MATN2: variants seen among roughly 807,000 people sequenced by gnomAD.
MATN2 encodes matrilin-2.
Under a neutral mutation model 103.2 loss-of-function variants are expected in MATN2, and 69 were observed. That is an observed-to-expected ratio of 0.67 (90% CI 0.55 to 0.82). The LOEUF (loss-of-function observed/expected upper bound fraction) is 0.82, where lower values mean the gene tolerates loss of function less well. MATN2 is among the 40% of genes least tolerant of loss of function. MATN2 has a pLI of 0.00. For missense variants in MATN2, 1,023 were observed against 1,211.5 expected (o/e 0.84, Z 2.31); for synonymous variants, 429 against 450.2 (o/e 0.95, Z 0.60).
At chr8:98,025,474 C>G (rs1813757429) in intron 13 of MATN2, 2 of 224,852 alleles carry the variant, frequency 8.9e-6, no homozygotes, top group African/African-American at 2.4e-5. Flanking sequence ...TCTGGCCCAG[C>G]ACGGTGGCTC....
intron 1 of MATN2, among the ~76,000 whole-genome samples, chr8:97,882,604 T>C (rs929711232): frequency 3.3e-5 from 5 of 152,138 alleles, no homozygotes; most frequent in African/African-American, 1.2e-4. Context: ...GATTTCGCCA[T>C]GTTGCCCAGG....
Position 97,903,572 on chromosome 8 carries a change from T to C in MATN2, c.142+15330T>C, listed in dbSNP as rs138805600. ...GCCTAGGTGAGTGTGGGAAGGACTC[T>C]GCCTCTCCTGGTCTTTGCCCTGTAG... is the stretch of plus-strand genomic sequence containing the variant. On this transcript the variant is annotated intron_variant, in intron 2 of 18. Coordinates refer to ENST00000254898, the MANE Select transcript of MATN2 (RefSeq NM_002380.5). Among the ~76,000 whole-genome samples the C allele has an allele frequency of 3.1e-4, 47 of 152,358 alleles. No homozygotes were observed. In the East Asian group the frequency reaches 6.7e-3, roughly 22 times the overall value.
At chr8:98,032,129 TA>T in intron 15 of MATN2, 116 bp from the exon 16 acceptor site, 1 of 760,670 alleles carries the variant, frequency 1.3e-6, no homozygotes, top group Non-Finnish European at 2.1e-6. Flanking sequence ...CAAACAAAAC[TA>T]AAAAACCTTA....
intron 5 of MATN2, among the ~76,000 whole-genome samples, chr8:97,965,932 C>T (rs1272139092): frequency 2.0e-5 from 3 of 152,044 alleles, no homozygotes; most frequent in South Asian, 2.1e-4. Context: ...TGCAGTGAGC[C>T]GAGATCGCAC....
intron 1 of MATN2, among the ~76,000 whole-genome samples, chr8:97,871,004 T>C (rs894611325): frequency 1.3e-5 from 2 of 152,198 alleles, no homozygotes; most frequent in African/African-American, 4.8e-5. Flanking sequence ...AAATCGGGGC[T>C]CTGGGGTTTC....
chr8:97,942,820 A>G (rs1050643483), intron 4 of MATN2, among the ~76,000 whole-genome samples: 7 of 152,220 alleles, frequency 4.6e-5, no homozygotes, highest in Non-Finnish European at 1.0e-4. Flanking sequence ...TGTCACATTT[A>G]TAGAGGCCAA....
Position 98,036,660 on chromosome 8 carries a change from A to T in MATN2, c.*948A>T, listed in dbSNP as rs1223217324. The T allele has an allele frequency of 2.0e-5, 3 of 152,244 alleles. No homozygotes were observed. Among genetic ancestry groups the T allele is most frequent in the Non-Finnish European group, 4.4e-5 (3 of 68,038 alleles). The allele number at this position is 152,244 out of a possible 1,614,324, so 9.4% of individuals were successfully genotyped here. ...CTCTGGTGTAATCCATACCACAGAA[A>T]TACAACACCGCATGTACAGGAATGT... On this transcript the variant is annotated 3_prime_UTR_variant, in exon 19 of 19. Transcript: ENST00000254898.
intron 12 of MATN2, among the ~76,000 whole-genome samples, chr8:98,019,675 G>A (rs971331751): frequency 3.9e-5 from 6 of 152,206 alleles, no homozygotes; most frequent in African/African-American, 1.2e-4. Context: ...CATTAGGAGA[G>A]TACAGAGCAG....
chr8:98,016,793 G>A (rs1813378605), intron 11 of MATN2, 131 bp downstream of exon 11: 2 of 1,024,596 alleles, frequency 2.0e-6, no homozygotes, highest in African/African-American at 1.6e-5. Flanking sequence ...TAGTGTCCTG[G>A]ATAGGACCCT....
intron 2 of MATN2, among the ~76,000 whole-genome samples, chr8:97,893,462 C>A (rs1818701804): frequency 6.6e-6 from 1 of 152,202 alleles, no homozygotes. Flanking sequence ...TGTTACCCCA[C>A]TTTCCTATGA....
intron 1 of MATN2, among the ~76,000 whole-genome samples, chr8:97,875,994 C>T (rs140965682): frequency 9.3e-5 from 14 of 151,310 alleles, no homozygotes; most frequent in African/African-American, 2.9e-4. Context: ...TGCGCCTGGC[C>T]GAGTATTTGC....
At position 97,887,338 on chromosome 8, in the gene MATN2, G is replaced by T. The variant is rs1028234568; in HGVS notation, c.-26-737G>T. ...ACTAGGATTGCAGACATGAGCCATGGCACCTAGACTTGACCCTGGGTTTGA... is the reference window on the plus strand; with the variant it reads ...ACTAGGATTGCAGACATGAGCCATGTCACCTAGACTTGACCCTGGGTTTGA... On this transcript the variant is annotated intron_variant, in intron 1 of 18. Transcript: ENST00000254898. Among the ~76,000 whole-genome samples, 23 of 152,100 alleles carry T rather than the reference G, an allele frequency of 1.5e-4. 1 individual carries two copies. The highest frequency in any genetic ancestry group is 2.9e-5 in the Non-Finnish European group (2 of 68,034).
intron 2 of MATN2, among the ~76,000 whole-genome samples, chr8:97,893,136 C>T (rs772145895): frequency 1.3e-5 from 2 of 152,176 alleles, no homozygotes; most frequent in African/African-American, 4.8e-5. Flanking sequence ...CTGTACTCTC[C>T]GGACAGACTT....
At chr8:97,943,415 T>G (rs1810639117) in intron 4 of MATN2, among the ~76,000 whole-genome samples, 1 of 151,056 alleles carries the variant, frequency 6.6e-6, no homozygotes, top group Admixed American at 6.6e-5. Flanking sequence ...CTCCTTCTCC[T>G]TCTCCTTCTC....
At chr8:98,033,708 T>A in intron 18 of MATN2, 49 bp downstream of exon 18, 1 of 1,206,180 alleles carries the variant, frequency 8.3e-7, no homozygotes, top group Non-Finnish European at 1.2e-6. Context: ...AAGAATATTA[T>A]CAAAACTTCA....
chr8:97,934,144 G>T (rs1260664522), intron 3 of MATN2, among the ~76,000 whole-genome samples: 2 of 152,138 alleles, frequency 1.3e-5, no homozygotes, highest in Non-Finnish European at 2.9e-5. Context: ...GCCTGGCCAG[G>T]TAAACCTACT....
intron 3 of MATN2, among the ~76,000 whole-genome samples, chr8:97,937,848 G>T (rs1759543295): frequency 6.6e-6 from 1 of 152,018 alleles, no homozygotes; most frequent in Non-Finnish European, 1.5e-5. Flanking sequence ...CAAAGTGCTG[G>T]TATTACAGGC....
chr8:98,013,599 C>G (rs1813252383), intron 10 of MATN2, among the ~76,000 whole-genome samples: 1 of 152,178 alleles, frequency 6.6e-6, no homozygotes, highest in East Asian at 1.9e-4. Context: ...AGTCTAAAGG[C>G]CCAGGCAGCA....
chr8:98,016,731 CTG>C, intron 11 of MATN2, 69 bp downstream of exon 11: 1 of 1,550,574 alleles, frequency 6.4e-7, no homozygotes, highest in Admixed American at 1.9e-5. Context: ...ATCCTTATCT[CTG>C]TATATATCAG....
Sources: gnomAD v4.1 joint callset for allele counts (sites outside exome capture counted in the v4.1 genomes callset) on GRCh38, gnomAD v4.1.1 for gene constraint, MANE v1.5 for transcripts, NCBI Gene and HGNC (gene_info 2026-07-23, HGNC 2026-07-21) for gene names.